Variants in CRYL1 observed in about 807,000 individuals in gnomAD.
CRYL1 encodes crystallin lambda 1.
Under a neutral mutation model 36.6 loss-of-function variants are expected in CRYL1, and 29 were observed. That is an observed-to-expected ratio of 0.79 (90% confidence interval 0.59 to 1.08). CRYL1 has a LOEUF of 1.08. Ranked by LOEUF, CRYL1 falls within the 50% of genes least tolerant of loss-of-function variation. The probability of loss-of-function intolerance (pLI) is 0.00; values close to 1 mark genes in which losing one functional copy is unlikely to be tolerated. For synonymous variants in CRYL1, 152 were observed against 151.5 expected (o/e 1.00, Z -0.02); for missense variants, 411 against 407.9 (o/e 1.01, Z -0.06).
At chr13:20,444,859 G>A (rs899796954) in intron 3 of CRYL1, among the ~76,000 whole-genome samples, 1 of 152,190 alleles carries the variant, frequency 6.6e-6, no homozygotes, top group Non-Finnish European at 1.5e-5. Context: ...TGGGATTACA[G>A]GTGCGCAGCA....
At chr13:20,480,018 G>A (rs2033244193) in intron 3 of CRYL1, among the ~76,000 whole-genome samples, 1 of 152,178 alleles carries the variant, frequency 6.6e-6, no homozygotes, top group Non-Finnish European at 1.5e-5. Flanking sequence ...TAACACCTAA[G>A]TCAAAATCGC....
At chr13:20,411,650 C>CT (rs1166928507) in intron 6 of CRYL1, among the ~76,000 whole-genome samples, 1 of 152,144 alleles carries the variant, frequency 6.6e-6, no homozygotes, top group Non-Finnish European at 1.5e-5. Context: ...TTGAAAACAC[C>CT]ATTTGAAATG....
Position 20,420,701 on chromosome 13 carries a change from T to TTTTTTTTTTTTGTG in CRYL1, c.634-7315_634-7314insCACAAAAAAAAAAA. Among the ~76,000 whole-genome samples the TTTTTTTTTTTTGTG allele has an allele frequency of 3.4e-3, 74 of 21,874 alleles. 8 individuals carry two copies. Among genetic ancestry groups the TTTTTTTTTTTTGTG allele is most frequent in the African/African-American group, 7.4e-3 (70 of 9,518 alleles). The allele number at this position is 21,874 out of a possible 152,430, so 14.4% of individuals were successfully genotyped here. A position where few individuals can be genotyped will look rare whatever the true frequency, so the allele number is the denominator to read the frequency against. On this transcript the variant is annotated intron_variant, in intron 5 of 7. Transcript: ENST00000298248. The stretch of plus-strand genomic sequence containing the variant: ...CTTTGACTTTTCTTTAAAATAGAGG[T>TTTTTTTTTTTTGTG]TGTGTGTGTGTGTGTGTGTGTGTGT...
At chr13:20,465,296 T>G (rs2032909445) in intron 3 of CRYL1, among the ~76,000 whole-genome samples, 1 of 152,200 alleles carries the variant, frequency 6.6e-6, no homozygotes, top group Non-Finnish European at 1.5e-5. Flanking sequence ...TCACGAAACC[T>G]GCAACTACTC....
Position 20,404,643 on chromosome 13 carries a change from C to T in CRYL1, c.838G>A (p.Val280Ile). Residue 280 changes from valine to isoleucine, a missense_variant, in exon 7 of 8, where the codon GTT becomes ATT. Coordinates refer to ENST00000298248, the MANE Select transcript of CRYL1 (RefSeq NM_015974.3). Reference protein sequence around the residue: ...PEFSRATAEKVNQDMCMKVPD... With the variant: ...PEFSRATAEKINQDMCMKVPD... ...GCAGAGAAGTTACATACCTGGTTAA[C>T]CTTCTCAGCAGTGGCCCTGGAAAAC... 4 of 1,608,386 alleles carry T rather than the reference C, an allele frequency of 2.5e-6. No homozygotes were observed. The highest frequency in any genetic ancestry group is 2.2e-5 in the South Asian group (2 of 90,928).
chr13:20,440,218 G>A (rs1424031514), intron 3 of CRYL1, among the ~76,000 whole-genome samples: 1 of 152,168 alleles, frequency 6.6e-6, no homozygotes, highest in Non-Finnish European at 1.5e-5. Flanking sequence ...GTTTCCCTGT[G>A]TCTTGGGGTC....
chr13:20,432,419 CCAA>C (rs1288388613), intron 4 of CRYL1, 123 bp from the exon 5 acceptor site: 7 of 589,994 alleles, frequency 1.2e-5, no homozygotes, highest in African/African-American at 5.6e-5. Flanking sequence ...GATTCAGTGG[CCAA>C]CAACAAGATA....
At chr13:20,460,454 C>T (rs1455685005) in intron 3 of CRYL1, among the ~76,000 whole-genome samples, 1 of 150,718 alleles carries the variant, frequency 6.6e-6, no homozygotes, top group African/African-American at 2.4e-5. Flanking sequence ...AGCCTCAACA[C>T]TGGGTGTTGG....
intron 3 of CRYL1, among the ~76,000 whole-genome samples, chr13:20,486,722 TAAATACAC>T (rs2033407738): frequency 6.6e-6 from 1 of 152,238 alleles, no homozygotes; most frequent in South Asian, 2.1e-4. Flanking sequence ...TCATGCCTTG[TAAATACAC>T]TCATTTAATC....
At chr13:20,427,219 G>A (rs1034747678) in intron 5 of CRYL1, 1 of 985,336 alleles carries the variant, frequency 1.0e-6, no homozygotes, top group African/African-American at 1.7e-5. Flanking sequence ...TCCGGCAGGG[G>A]AAGTAAGTGT....
intron 2 of CRYL1, among the ~76,000 whole-genome samples, chr13:20,503,769 C>T (rs1306820819): frequency 6.6e-6 from 1 of 152,124 alleles, no homozygotes; most frequent in Admixed American, 6.6e-5. Context: ...CAGACCAATC[C>T]AGATCAAAAC....
intron 3 of CRYL1, among the ~76,000 whole-genome samples, chr13:20,446,704 C>G (rs889778013): frequency 1.3e-5 from 2 of 151,688 alleles, no homozygotes; most frequent in Non-Finnish European, 2.9e-5. Context: ...CTGTGACTCA[C>G]CTCTAGAATT....
At chr13:20,443,904 C>T (rs1593448262) in intron 3 of CRYL1, among the ~76,000 whole-genome samples, 2 of 152,218 alleles carry the variant, frequency 1.3e-5, no homozygotes, top group East Asian at 1.9e-4. Context: ...TAGAATCCTA[C>T]TGCAATCATA....
intron 5 of CRYL1, chr13:20,431,419 A>G: frequency 6.1e-6 from 6 of 985,436 alleles, no homozygotes; most frequent in Non-Finnish European, 7.2e-6. Flanking sequence ...GGCAAGTGCC[A>G]TAAGGGAGGC....
intron 5 of CRYL1, chr13:20,430,837 A>G (rs2032042631): frequency 2.0e-6 from 2 of 985,208 alleles, no homozygotes; most frequent in East Asian, 2.3e-4. Context: ...TTCTAGACAA[A>G]TGGAAATATT....
chr13:20,507,431 A>G (rs1223775094), intron 2 of CRYL1, among the ~76,000 whole-genome samples: 1 of 152,208 alleles, frequency 6.6e-6, no homozygotes, highest in Non-Finnish European at 1.5e-5. Flanking sequence ...TCTGGTCTTT[A>G]CAGAAACAGT....
At chr13:20,437,999 C>T (rs769234529) in intron 4 of CRYL1, among the ~76,000 whole-genome samples, 1 of 152,134 alleles carries the variant, frequency 6.6e-6, no homozygotes, top group African/African-American at 2.4e-5. Flanking sequence ...AGCAAAGGCA[C>T]GACAGGCTTC....
chr13:20,445,113 A>T (rs1213242696), intron 3 of CRYL1, among the ~76,000 whole-genome samples: 1 of 152,216 alleles, frequency 6.6e-6, no homozygotes, highest in Non-Finnish European at 1.5e-5. Flanking sequence ...AATGGAACAT[A>T]AAAAAGTTTA....
intron 5 of CRYL1, among the ~76,000 whole-genome samples, chr13:20,423,648 G>A (rs1166078504): frequency 2.0e-5 from 3 of 150,772 alleles, no homozygotes; most frequent in Middle Eastern, 3.2e-3. Flanking sequence ...ATTTTAATGT[G>A]CTATTGAATC....
Sources: allele counts gnomAD v4.1 joint callset (sites outside exome capture counted in the v4.1 genomes callset), GRCh38; gene constraint gnomAD v4.1.1; transcripts MANE v1.5; gene names NCBI Gene and HGNC (gene_info 2026-07-23, HGNC 2026-07-21).